FDFT1: variants seen among roughly 807,000 people sequenced by gnomAD.
The protein encoded by FDFT1 is squalene synthase.
In FDFT1, 68 loss-of-function variants were observed where a neutral mutation model predicts 46.8. The observed-to-expected ratio is 1.45, with a 90% CI of 1.19 to 1.78. The LOEUF (loss-of-function observed/expected upper bound fraction) is 1.78, where lower values mean the gene tolerates loss of function less well. Ranked by LOEUF, FDFT1 falls within the 40% of genes most tolerant of loss-of-function variation. The pLI, the probability that FDFT1 is intolerant of heterozygous loss-of-function variation, is 0.00. For synonymous variants in FDFT1, 351 were observed against 185.1 expected (o/e 1.90, Z -7.28); for missense variants, 928 against 524.4 (o/e 1.77, Z -7.52).
intron 3 of FDFT1, among the ~76,000 whole-genome samples, chr8:11,821,407 A>G (rs1241597300): frequency 6.6e-6 from 1 of 152,244 alleles, no homozygotes; most frequent in East Asian, 1.9e-4. Context: ...CTTGGCCAAC[A>G]TGGTGAAACC....
upstream of FDFT1, among the ~76,000 whole-genome samples, chr8:11,799,701 A>T (rs976266722): frequency 2.6e-5 from 4 of 151,620 alleles, no homozygotes; most frequent in African/African-American, 9.7e-5. Context: ...TAATCCCAGT[A>T]CCTGGGGAGG....
upstream of FDFT1, among the ~76,000 whole-genome samples, chr8:11,801,233 G>A (rs994746087): frequency 3.3e-5 from 5 of 152,216 alleles, no homozygotes; most frequent in Non-Finnish European, 7.3e-5. Context: ...CTGGGTGGAA[G>A]GCTGCAGCCT....
At position 11,817,097 on chromosome 8, in the gene FDFT1, C is replaced by G. The variant is rs539108830; in HGVS notation, c.382-4653C>G. Among the ~76,000 whole-genome samples the G allele has an allele frequency of 1.1e-4, 17 of 152,274 alleles. No individual in the cohort carries two copies. The East Asian group carries it at 3.3e-3, about 29-fold the overall frequency. ...AGCATGAAAGACTGTTGAATTTTGT[C>G]AAAGGCCTTTCGTGCATCTATTGAG... On this transcript the variant is annotated intron_variant, in intron 3 of 7. Transcript: ENST00000220584.
chr8:11,820,144 C>G (rs1408457442), intron 3 of FDFT1, among the ~76,000 whole-genome samples: 3 of 152,124 alleles, frequency 2.0e-5, no homozygotes, highest in Non-Finnish European at 2.9e-5. Flanking sequence ...CACTCTAGAC[C>G]CTGTTTACCT....
intron 7 of FDFT1, among the ~76,000 whole-genome samples, chr8:11,836,283 A>G (rs1474836016): frequency 1.3e-5 from 2 of 152,216 alleles, no homozygotes; most frequent in African/African-American, 4.8e-5. Context: ...TTACAAGAGT[A>G]GTGTGTGAGA....
chr8:11,837,999 T>G (rs1811773400), intron 7 of FDFT1, among the ~76,000 whole-genome samples: 1 of 152,234 alleles, frequency 6.6e-6, no homozygotes, highest in African/African-American at 2.4e-5. Flanking sequence ...AAGCTGCTTT[T>G]GCCCAGTCTT....
intron 5 of FDFT1, among the ~76,000 whole-genome samples, chr8:11,827,978 G>C (rs2130855514): frequency 6.6e-6 from 1 of 152,298 alleles, no homozygotes; most frequent in East Asian, 1.9e-4. Flanking sequence ...CAGGTGAGTG[G>C]ATCACTTGAG....
chr8:11,809,830 G>A lies in FDFT1; in HGVS notation c.361G>A (p.Val121Met), dbSNP rs753212485. ...GGAGAGCAAGGAGAAGGATCGCCAG[G>A]TGCTGGAGGACTTCCCAACGGTGAG... The part of the protein sequence containing the change: ...FMESKEKDRQ[V>M]LEDFPTISLE... The change falls in exon 3 of 8, where the codon GTG (valine) becomes ATG (methionine). Residue 121 changes from valine (V) to methionine (M), a missense_variant. Physicochemically the swap from Val to Met is conservative, Grantham distance 21. Transcript: ENST00000220584. The A allele has an allele frequency of 6.2e-7, 1 of 1,613,666 alleles. No homozygotes were observed. Among genetic ancestry groups the A allele is most frequent in the East Asian group, 2.2e-5 (1 of 44,882 alleles).
intron 7 of FDFT1, among the ~76,000 whole-genome samples, chr8:11,836,482 C>T (rs1811551533): frequency 6.6e-6 from 1 of 152,234 alleles, no homozygotes; most frequent in African/African-American, 2.4e-5. Flanking sequence ...CACCTCTCTG[C>T]TCCTCAGGGC....
chr8:11,824,210 T>C (rs1809651202), intron 4 of FDFT1, among the ~76,000 whole-genome samples: 1 of 151,944 alleles, frequency 6.6e-6, no homozygotes, highest in Non-Finnish European at 1.5e-5. Flanking sequence ...TTCTTTACTT[T>C]TGCTTCTTAA....
intron 7 of FDFT1, among the ~76,000 whole-genome samples, chr8:11,832,940 C>A (rs371165601): frequency 1.3e-5 from 2 of 152,272 alleles, no homozygotes; most frequent in East Asian, 3.9e-4. Context: ...ATATGGTTTG[C>A]AACAGTGTTT....
At chr8:11,804,631 T>TCTTG (rs1217134985) in intron 1 of FDFT1, among the ~76,000 whole-genome samples, 6 of 116,072 alleles carry the variant, frequency 5.2e-5, no homozygotes, top group African/African-American at 2.0e-4. Flanking sequence ...TGAGATGGAG[T>TCTTG]CTTGCTCTGT....
At chr8:11,809,234 A>C in intron 2 of FDFT1, 1 of 1,155,614 alleles carries the variant, frequency 8.7e-7, no homozygotes, top group Non-Finnish European at 1.1e-6. Context: ...TATTGGGTTG[A>C]TTCTTTTGAA....
intron 3 of FDFT1, among the ~76,000 whole-genome samples, chr8:11,819,218 C>A (rs1456117432): frequency 1.3e-5 from 2 of 152,218 alleles, no homozygotes; most frequent in African/African-American, 4.8e-5. Context: ...GAGAGATCTG[C>A]TGTTAGTCTG....
chr8:11,825,328 G>C (rs1395961574), intron 4 of FDFT1, among the ~76,000 whole-genome samples: 1 of 152,020 alleles, frequency 6.6e-6, no homozygotes, highest in Non-Finnish European at 1.5e-5. Flanking sequence ...GATCAGTTGA[G>C]GTCAGGAGTT....
chr8:11,817,772 GTCTATCAA>G (rs1563316136), intron 3 of FDFT1, among the ~76,000 whole-genome samples: 1 of 151,110 alleles, frequency 6.6e-6, no homozygotes, highest in African/African-American at 2.4e-5. Flanking sequence ...CTTGCTAGCG[GTCTATCAA>G]TTTTGTTGAT....
At chr8:11,826,383 G>A (rs1031792432) in intron 5 of FDFT1, among the ~76,000 whole-genome samples, 168 bp downstream of exon 5, 5 of 152,224 alleles carry the variant, frequency 3.3e-5, no homozygotes, top group African/African-American at 1.2e-4. Flanking sequence ...CAGGTAGACT[G>A]GCTGACTCCC....
At position 11,808,793 on chromosome 8, in the gene FDFT1, G is replaced by C. The variant is rs763956280; in HGVS notation, c.100-1G>C. 6.2e-7 allele frequency: 1 copy of C among 1,613,192 alleles called. No homozygotes were observed. The highest frequency in any genetic ancestry group is 8.5e-7 in the Non-Finnish European group (1 of 1,179,816). On this transcript the variant is annotated splice_acceptor_variant, in intron 1 of 7. Transcript: ENST00000220584. LOFTEE classifies it high-confidence loss of function. Reference sequence around the variant, plus strand: ...CCGCCGTGTGTGTTGTCTGCCCGCAGGACTCGCTCAGCAGCAGCCTGAAAA... The same window carrying C: ...CCGCCGTGTGTGTTGTCTGCCCGCACGACTCGCTCAGCAGCAGCCTGAAAA...
At chr8:11,824,580 A>G (rs1479385055) in intron 4 of FDFT1, among the ~76,000 whole-genome samples, 1 of 145,070 alleles carries the variant, frequency 6.9e-6, no homozygotes, top group Non-Finnish European at 1.5e-5. Flanking sequence ...GGCCTGTGTC[A>G]CTGTGCCTGG....
Sources: allele counts gnomAD v4.1 joint callset (sites outside exome capture counted in the v4.1 genomes callset), GRCh38; gene constraint gnomAD v4.1.1; transcripts MANE v1.5; gene names NCBI Gene and HGNC (gene_info 2026-07-23, HGNC 2026-07-21).